Variants in MARCHF5 observed in about 807,000 individuals in gnomAD.
MARCHF5 encodes the protein E3 ubiquitin-protein ligase MARCHF5.
Under a neutral mutation model 36.5 loss-of-function variants are expected in MARCHF5, and 5 were observed. That is an observed-to-expected ratio of 0.14 (90% CI 0.07 to 0.29). MARCHF5 has a LOEUF of 0.29. MARCHF5 is among the 10% of genes least tolerant of loss of function. MARCHF5 has a pLI of 1.00. For missense variants in MARCHF5, 179 were observed against 336.3 expected (o/e 0.53, Z 3.66); for synonymous variants, 103 against 109.9 (o/e 0.94, Z 0.39).
At chr10:92,323,614 T>C (rs1843317031) in intron 2 of MARCHF5, among the ~76,000 whole-genome samples, 1 of 152,116 alleles carries the variant, frequency 6.6e-6, no homozygotes, top group Non-Finnish European at 1.5e-5. Flanking sequence ...TTTTTTTTTC[T>C]CCATGGTTTT....
chr10:92,349,629 T>C (rs1276561511), intron 4 of MARCHF5, 42 bp from the exon 5 acceptor site: 2 of 1,602,848 alleles, frequency 1.2e-6, no homozygotes, highest in Non-Finnish European at 1.7e-6. Flanking sequence ...GTCTAACTCT[T>C]CTGATTTATT....
At chr10:92,302,001 C>T (rs986941561) in intron 1 of MARCHF5, among the ~76,000 whole-genome samples, 1 of 152,020 alleles carries the variant, frequency 6.6e-6, no homozygotes, top group Non-Finnish European at 1.5e-5. Flanking sequence ...GCAGAGATTG[C>T]GGTGAGCTGA....
At chr10:92,329,599 A>G (rs1305991118) in intron 2 of MARCHF5, among the ~76,000 whole-genome samples, 1 of 152,156 alleles carries the variant, frequency 6.6e-6, no homozygotes, top group African/African-American at 2.4e-5. Context: ...CTCATAAAAT[A>G]TATCATTGGT....
At chr10:92,349,172 G>A (rs901078514) in intron 3 of MARCHF5, among the ~76,000 whole-genome samples, 177 bp from the exon 4 acceptor site, 1 of 151,924 alleles carries the variant, frequency 6.6e-6, no homozygotes, top group African/African-American at 2.4e-5. Context: ...TTTTTCCCTT[G>A]AATGAGACAT....
At chr10:92,293,445 A>G (rs1457855478) in intron 1 of MARCHF5, among the ~76,000 whole-genome samples, 1 of 152,028 alleles carries the variant, frequency 6.6e-6, no homozygotes, top group Non-Finnish European at 1.5e-5. Context: ...AACTTTTCAT[A>G]TGCTCTTTGG....
intron 1 of MARCHF5, among the ~76,000 whole-genome samples, chr10:92,301,047 A>T (rs957110101): frequency 6.6e-6 from 1 of 151,888 alleles, no homozygotes; most frequent in African/African-American, 2.4e-5. Context: ...CATCATGCTC[A>T]GCTAATTTTT....
At chr10:92,315,588 C>T (rs1025837854) in intron 2 of MARCHF5, among the ~76,000 whole-genome samples, 2 of 152,170 alleles carry the variant, frequency 1.3e-5, no homozygotes, top group African/African-American at 4.8e-5. Context: ...ACAAGGATGT[C>T]TCCTAGTACA....
chr10:92,346,369 A>G (rs1245081737), intron 3 of MARCHF5, among the ~76,000 whole-genome samples: 3 of 152,184 alleles, frequency 2.0e-5, no homozygotes, highest in Non-Finnish European at 1.5e-5. Context: ...GAATGAATGA[A>G]TGCATGTGTG....
chr10:92,331,139 G>A (rs921122142), intron 2 of MARCHF5, among the ~76,000 whole-genome samples: 17 of 152,206 alleles, frequency 1.1e-4, no homozygotes, highest in Admixed American at 9.2e-4. Context: ...CAGTTAACTG[G>A]CATATATGTA....
chr10:92,349,916 T>A, intron 5 of MARCHF5, 79 bp downstream of exon 5: 1 of 1,209,914 alleles, frequency 8.3e-7, no homozygotes, highest in Non-Finnish European at 1.2e-6. Flanking sequence ...TGGGGAACTG[T>A]ATAAATATTC....
intron 1 of MARCHF5, among the ~76,000 whole-genome samples, chr10:92,298,116 T>A (rs569346000): frequency 1.3e-5 from 2 of 152,334 alleles, no homozygotes; most frequent in South Asian, 4.1e-4. Context: ...AAGAATCGCT[T>A]GAACCTGGGA....
At chr10:92,332,543 G>A (rs61875240) in intron 2 of MARCHF5, among the ~76,000 whole-genome samples, 45,698 of 126,242 alleles carry the variant, frequency 0.36, 9,719 homozygotes, top group Middle Eastern at 0.58. Flanking sequence ...TTTTTGAGAC[G>A]GAGTTTGGCT....
At chr10:92,320,058 A>AT (rs1175322711) in intron 2 of MARCHF5, among the ~76,000 whole-genome samples, 2 of 150,396 alleles carry the variant, frequency 1.3e-5, no homozygotes, top group Non-Finnish European at 3.0e-5. Flanking sequence ...TGCAAAAAAA[A>AT]TTTTTTTAAT....
chr10:92,297,328 A>G (rs559688698), intron 1 of MARCHF5, among the ~76,000 whole-genome samples: 30 of 151,614 alleles, frequency 2.0e-4, no homozygotes, highest in South Asian at 6.3e-4. Context: ...CACCACACCT[A>G]GCTGATTTTT....
At chr10:92,337,030 G>A (rs1218521004) in intron 2 of MARCHF5, among the ~76,000 whole-genome samples, 1 of 151,800 alleles carries the variant, frequency 6.6e-6, no homozygotes, top group Admixed American at 6.6e-5. Flanking sequence ...GGCTGAAGCA[G>A]AGGACTGCTT....
intron 1 of MARCHF5, among the ~76,000 whole-genome samples, chr10:92,305,407 CA>C (rs11415965): frequency 2.3e-4 from 31 of 135,860 alleles, no homozygotes; most frequent in South Asian, 2.3e-4. Flanking sequence ...ACTCCGTCTC[CA>C]AAAAAAAAAA....
At chr10:92,291,703 G>C in intron 1 of MARCHF5, 174 bp downstream of exon 1, 1 of 553,298 alleles carries the variant, frequency 1.8e-6, no homozygotes, top group South Asian at 7.8e-5. Flanking sequence ...AGGACAGAGC[G>C]AGCGGCCTGG....
rs138463713 is a variant in MARCHF5, at chr10:92,344,378, A to G, written c.369+3575A>G. ...TCTTGAGCTAACCCTTAAAGGAAATAATTTGAATTGGTAGAATGAAATAAG... is the reference window on the plus strand; with the variant it reads ...TCTTGAGCTAACCCTTAAAGGAAATGATTTGAATTGGTAGAATGAAATAAG... On this transcript the variant is annotated intron_variant, in intron 3 of 5. Transcript: ENST00000358935. Among the ~76,000 whole-genome samples, 503 of 152,330 alleles carry G rather than the reference A, an allele frequency of 3.3e-3. 2 individuals carry two copies. Among genetic ancestry groups the G allele is most frequent in the Non-Finnish European group, 5.7e-3 (391 of 68,020 alleles).
At chr10:92,291,653 C>T (rs1842867693) in intron 1 of MARCHF5, 124 bp downstream of exon 1, 2 of 1,379,800 alleles carry the variant, frequency 1.4e-6, no homozygotes, top group African/African-American at 3.0e-5. Context: ...GGCCAGGGGG[C>T]CGTGAGAGGG....
Sources: gnomAD v4.1 joint callset for allele counts (sites outside exome capture counted in the v4.1 genomes callset) on GRCh38, gnomAD v4.1.1 for gene constraint, MANE v1.5 for transcripts, NCBI Gene and HGNC (gene_info 2026-07-23, HGNC 2026-07-21) for gene names.